Variants in COL11A2 observed in about 807,000 individuals in gnomAD.
COL11A2 encodes the protein collagen alpha-2(XI) chain.
In COL11A2, 116 loss-of-function variants were observed where a neutral mutation model predicts 273.4. That is an observed-to-expected ratio of 0.42 (90% CI 0.36 to 0.49). The LOEUF (loss-of-function observed/expected upper bound fraction) is 0.49, where lower values mean the gene tolerates loss of function less well. COL11A2 is among the 20% of genes least tolerant of loss of function. The pLI, the probability that COL11A2 is intolerant of heterozygous loss-of-function variation, is 0.00. For synonymous variants in COL11A2, 782 were observed against 864.2 expected (o/e 0.90, Z 1.67); for missense variants, 1,866 against 2,309.0 (o/e 0.81, Z 3.93).
At chr6:33,184,784 C>A (rs1772158295) in intron 7 of COL11A2, among the ~76,000 whole-genome samples, 1 of 152,254 alleles carries the variant, frequency 6.6e-6, no homozygotes, top group South Asian at 2.1e-4. Context: ...TGGAAGGAGG[C>A]CTGGATACTG....
In COL11A2 at chr6:33,185,774, G is replaced by C; in HGVS notation, c.803C>G (p.Thr268Ser). ...PQNQEPQSQP[T>S]ESLYYDYEPP... ...CTCGTAGTCATAGTAGAGAGACTCA[G>C]TGGGCTGGGATTGGGGGGTGGGCAT... Residue 268 changes from threonine to serine, a missense_variant, in exon 6 of 66, where the codon ACT becomes AGT. Thr to Ser is a moderately conservative substitution (Grantham distance 58, BLOSUM62 1). Coordinates refer to ENST00000341947, the MANE Select transcript of COL11A2 (RefSeq NM_080680.3). 1 of 1,338,534 alleles carries C rather than the reference G, an allele frequency of 7.5e-7. No individual in the cohort carries two copies. Among genetic ancestry groups the C allele is most frequent in the Non-Finnish European group, 1.0e-6 (1 of 997,484 alleles). The allele number at this position is 1,338,534 out of a possible 1,614,324, so 82.9% of individuals were successfully genotyped here.
Position 33,166,380 on chromosome 6 carries a change from G to T in COL11A2, c.4392+133C>A. 1 of 1,268,352 alleles carries T rather than the reference G, an allele frequency of 7.9e-7. No homozygotes were observed. The highest frequency in any genetic ancestry group is 1.1e-6 in the Non-Finnish European group (1 of 905,436). The allele number at this position is 1,268,352 out of a possible 1,614,324, so 78.6% of individuals were successfully genotyped here. On this transcript the variant is annotated intron_variant, in intron 60 of 65. Coordinates refer to ENST00000341947, the MANE Select transcript of COL11A2 (RefSeq NM_080680.3). This position sits in a 1 kb window ranked among gnomAD's most constrained non-coding sequence, Gnocchi z 4.8. ...GGAAGTATGGGGAGGAGGTACTGGTGGTGACAGGACAAATGGGGGACCCTG... is the reference window on the plus strand; with the variant it reads ...GGAAGTATGGGGAGGAGGTACTGGTTGTGACAGGACAAATGGGGGACCCTG...
rs1295949772 is a variant in COL11A2 at position 33,169,917 on chromosome 6, C to G, written c.3637-33G>C. On this transcript the variant is annotated intron_variant, in intron 49 of 65. Coordinates refer to ENST00000341947, the MANE Select transcript of COL11A2 (RefSeq NM_080680.3). This position sits in a 1 kb window ranked among gnomAD's most constrained non-coding sequence, Gnocchi z 5.5. ...GAGATTAGAGTCAAAAACCTCCTCT[C>G]CTTCCCCAGCCAAAAAATTCTGATA... 3.7e-6 allele frequency: 6 copies of G among 1,614,064 alleles called. No homozygotes were observed. Among genetic ancestry groups the G allele is most frequent in the South Asian group, 1.1e-5 (1 of 91,092 alleles).
intron 30 of COL11A2, 158 bp downstream of exon 30, chr6:33,175,416 T>C (rs992276620): frequency 6.7e-5 from 48 of 714,710 alleles, no homozygotes; most frequent in Non-Finnish European, 1.1e-4. Flanking sequence ...CCTCTGCCCA[T>C]CAGCAGCTGA....
Position 33,173,888 on chromosome 6 carries a change from C to T in COL11A2, c.2568G>A (p.Gly856=). The stretch of plus-strand genomic sequence containing the variant: ...GACCATTCACCTTAGCTCCAGACTT[C>T]CCAGTGGCACCTCGGGGTCCCCGCT... ...RGQRGPRGAT[G]KSGAKGTSGG... is the part of the protein sequence containing the mutation. The change falls in exon 34 of 66, where the codon GGG becomes GGA. Residue 856 remains glycine (G), a synonymous_variant. Coordinates refer to ENST00000341947, the MANE Select transcript of COL11A2 (RefSeq NM_080680.3). This position sits in a 1 kb window ranked among gnomAD's most constrained non-coding sequence, Gnocchi z 6.3. The T allele has an allele frequency of 1.2e-6, 2 of 1,614,070 alleles. No individual in the cohort carries two copies. Among genetic ancestry groups the T allele is most frequent in the South Asian group, 2.2e-5 (2 of 91,090 alleles).
Position 33,169,406 on chromosome 6 carries a change from C to T in COL11A2, c.3775G>A (p.Asp1259Asn), listed in dbSNP as rs1205676646. ...ACAGGGTTCCCTTTGGGGCCATCAT[C>T]GCCTGTGGGGCCTTTAGGCCCTGGT... is the stretch of plus-strand genomic sequence containing the variant. ...GPPGPKGPTG[D>N]DGPKGNPGPV... The change falls in exon 51 of 66, where the codon GAT becomes AAT. Residue 1259 changes from aspartate to asparagine, a missense_variant. By Grantham distance (23) the Asp-to-Asn change is conservative. Transcript: ENST00000341947. This position sits in a 1 kb window ranked among gnomAD's most constrained non-coding sequence, Gnocchi z 5.5. The T allele has an allele frequency of 1.9e-6, 3 of 1,612,768 alleles. No homozygotes were observed. The highest frequency in any genetic ancestry group is 2.7e-5 in the African/African-American group (2 of 74,928).
At chr6:33,171,370 G>A (rs776561616) in intron 43 of COL11A2, 46 bp from the exon 44 acceptor site, 2 of 1,612,504 alleles carry the variant, frequency 1.2e-6, no homozygotes, top group African/African-American at 2.7e-5. Context: ...GTGATGGGTA[G>A]AGTGGGAAGG....
At position 33,172,034 on chromosome 6, in the gene COL11A2, G is replaced by A. The variant is rs893401268; in HGVS notation, c.3042+16C>T. Reference sequence around the variant, plus strand: ...TTCCCGGGTCCTTCCTACCACTTCCGGAACCCCAGACTCACTGCAGGGCCA... The same window carrying A: ...TTCCCGGGTCCTTCCTACCACTTCCAGAACCCCAGACTCACTGCAGGGCCA... On this transcript the variant is annotated intron_variant, in intron 41 of 65. Coordinates refer to ENST00000341947, the MANE Select transcript of COL11A2 (RefSeq NM_080680.3). 50 of 1,612,670 alleles carry A rather than the reference G, an allele frequency of 3.1e-5. No individual in the cohort carries two copies. The highest frequency in any genetic ancestry group is 4.5e-5 in the East Asian group (2 of 44,862).
intron 7 of COL11A2, 116 bp from the exon 8 acceptor site, chr6:33,184,440 A>C: frequency 1.4e-6 from 1 of 719,076 alleles, no homozygotes; most frequent in Non-Finnish European, 2.0e-6. Context: ...GGTTAATCAG[A>C]ACTGGATTTT....
At position 33,165,254 on chromosome 6, in the gene COL11A2, G is replaced by A. The variant is rs149517995; in HGVS notation, c.4751-290C>T. Reference sequence around the variant, plus strand: ...CAGCCTCATACTGGGACAACATGTGGTTGCAGGCGCTCACACAGATTCATC... The same window carrying A: ...CAGCCTCATACTGGGACAACATGTGATTGCAGGCGCTCACACAGATTCATC... On this transcript the variant is annotated intron_variant, in intron 63 of 65. Transcript: ENST00000341947. The surrounding 1 kb of genome is among the most constrained non-coding windows in gnomAD (Gnocchi z 7.7). Among the ~76,000 whole-genome samples, 3 of 152,282 alleles carry A rather than the reference G, an allele frequency of 2.0e-5. No homozygotes were observed. The highest frequency in any genetic ancestry group is 7.2e-5 in the African/African-American group (3 of 41,546).
In COL11A2 at chr6:33,171,177, A is replaced by G; in HGVS notation, c.3313-10T>C. ...GGGGTCCAGGAGGGCCCTGGGTAAG[A>G]GAAGAGAGTCAGAGACACCAAAACA... On this transcript the variant is annotated splice_polypyrimidine_tract_variant and intron_variant, in intron 44 of 65. Coordinates refer to ENST00000341947, the MANE Select transcript of COL11A2 (RefSeq NM_080680.3). 1 of 1,610,754 alleles carries G rather than the reference A, an allele frequency of 6.2e-7. No homozygotes were observed. Among genetic ancestry groups the G allele is most frequent in the Non-Finnish European group, 8.5e-7 (1 of 1,178,164 alleles).
Position 33,164,929 on chromosome 6 carries a change from G to C in COL11A2, c.4786C>G (p.Arg1596Gly), listed in dbSNP as rs778962979. The change falls in exon 64 of 66, where the codon CGG becomes GGG. Residue 1596 changes from arginine to glycine, a missense_variant. Physicochemically the swap from Arg to Gly is moderately radical, Grantham distance 125. Coordinates refer to ENST00000341947, the MANE Select transcript of COL11A2 (RefSeq NM_080680.3). The surrounding 1 kb of genome is among the most constrained non-coding windows in gnomAD (Gnocchi z 4.7). ...TTGCAGAAAACTCGGAAGGCATCCC[G>C]AGCACAGCCCTGGTTGGGGTCGACC... Reference protein sequence around the residue: ...YWVDPNQGCARDAFRVFCNFT... With the variant: ...YWVDPNQGCAGDAFRVFCNFT... 1 of 1,580,628 alleles carries C rather than the reference G, an allele frequency of 6.3e-7. No individual in the cohort carries two copies. Among genetic ancestry groups the C allele is most frequent in the South Asian group, 1.2e-5 (1 of 86,402 alleles).
chr6:33,185,405 G>A (rs1363488456), intron 6 of COL11A2, among the ~76,000 whole-genome samples: 1 of 152,060 alleles, frequency 6.6e-6, no homozygotes, highest in Non-Finnish European at 1.5e-5. Context: ...TGCAGTTGGA[G>A]AGGGCCTCCG....
In COL11A2 at chr6:33,192,217, A is replaced by G; in HGVS notation, c.24T>C (p.His8=). The stretch of plus-strand genomic sequence containing the variant: ...CCAGAGGTAGGAGGAGGAGGAGGCG[A>G]TGGCAGCGGCTGCACCGCTCCATGG... MERCSRC[H]RLLLLLPLVL... is the part of the protein sequence containing the mutation. Residue 8 remains histidine (H), a synonymous_variant, in exon 1 of 66, where the codon CAT becomes CAC. Transcript: ENST00000341947. 5 of 1,564,670 alleles carry G rather than the reference A, an allele frequency of 3.2e-6. No homozygotes were observed. Among genetic ancestry groups the G allele is most frequent in the Non-Finnish European group, 4.3e-6 (5 of 1,154,662 alleles).
At chr6:33,186,858 G>T in intron 4 of COL11A2, 40 bp from the exon 5 acceptor site, 1 of 1,612,268 alleles carries the variant, frequency 6.2e-7, no homozygotes, top group Non-Finnish European at 8.5e-7. Flanking sequence ...GAGATTCAGA[G>T]AGAGGCAGAG....
rs755493556 is a variant in COL11A2, at chr6:33,177,229, C to T, written c.1972-4G>A. On this transcript the variant is annotated splice_polypyrimidine_tract_variant and splice_region_variant and intron_variant, in intron 23 of 65. Transcript: ENST00000341947. The surrounding 1 kb of genome is among the most constrained non-coding windows in gnomAD (Gnocchi z 5.9). ...CACCCTGGGGCCCGGGAAGACCCTA[C>T]ATACAGGGAAAGAGAAGTCACAGGG... 6.2e-7 allele frequency: 1 copy of T among 1,613,048 alleles called. No individual in the cohort carries two copies. The highest frequency in any genetic ancestry group is 8.5e-7 in the Non-Finnish European group (1 of 1,180,008).
Position 33,178,305 on chromosome 6 carries a change from C to G in COL11A2, c.1818+3G>C, listed in dbSNP as rs765851027. ...CCCCCAGCACCAGCCCTTGGACACT[C>G]ACCGACTCTCCAGGCAGCCCTCGAG... On this transcript the variant is annotated splice_donor_region_variant and intron_variant, in intron 20 of 65. Transcript: ENST00000341947. The surrounding 1 kb of genome is among the most constrained non-coding windows in gnomAD (Gnocchi z 4.6). The G allele has an allele frequency of 5.6e-6, 9 of 1,612,792 alleles. No homozygotes were observed. Among genetic ancestry groups the G allele is most frequent in the Non-Finnish European group, 7.6e-6 (9 of 1,179,956 alleles).
At position 33,164,957 on chromosome 6, in the gene COL11A2, G is replaced by A. The variant is rs1181790213; in HGVS notation, c.4758C>T (p.Tyr1586=). ...LCHPELPDGE[Y]WVDPNQGCAR... ...CACAGCCCTGGTTGGGGTCGACCCA[G>A]TACTCTCCTGTTGGGTGAGGGAGAG... Residue 1586 remains tyrosine (Y), a synonymous_variant, in exon 64 of 66, where the codon TAC becomes TAT. Coordinates refer to ENST00000341947, the MANE Select transcript of COL11A2 (RefSeq NM_080680.3). This position sits in a 1 kb window ranked among gnomAD's most constrained non-coding sequence, Gnocchi z 4.7. 3 of 1,572,184 alleles carry A rather than the reference G, an allele frequency of 1.9e-6. No individual in the cohort carries two copies. Among genetic ancestry groups the A allele is most frequent in the Middle Eastern group, 1.7e-4 (1 of 6,042 alleles).
Position 33,170,022 on chromosome 6 carries a change from G to T in COL11A2, c.3636+25C>A. On this transcript the variant is annotated intron_variant, in intron 49 of 65. Coordinates refer to ENST00000341947, the MANE Select transcript of COL11A2 (RefSeq NM_080680.3). The surrounding 1 kb of genome is among the most constrained non-coding windows in gnomAD (Gnocchi z 4.3). ...CTCCCATCCCCCACTTCCATGACTG[G>T]TCCACTCACCCCCTTCCCAGTTACC... 6.2e-7 allele frequency: 1 copy of T among 1,613,110 alleles called. No homozygotes were observed. The highest frequency in any genetic ancestry group is 8.5e-7 in the Non-Finnish European group (1 of 1,179,910).
Sources: allele counts gnomAD v4.1 joint callset (sites outside exome capture counted in the v4.1 genomes callset), GRCh38; gene constraint gnomAD v4.1.1; non-coding constraint Gnocchi (gnomAD v3.1); transcripts MANE v1.5; gene names NCBI Gene and HGNC (gene_info 2026-07-23, HGNC 2026-07-21).